NREP: variants seen among roughly 807,000 people sequenced by gnomAD.
NREP encodes neuronal regeneration-related protein.
NREP carries 5 observed loss-of-function variants against 8.6 expected under a neutral mutation model. The observed-to-expected ratio is 0.58, with a 90% CI of 0.30 to 1.22. NREP has a LOEUF of 1.22. Ranked by LOEUF, NREP falls within the 50% of genes most tolerant of loss-of-function variation. NREP has a pLI of 0.07. For synonymous variants in NREP, 27 were observed against 28.0 expected (o/e 0.96, Z 0.11); for missense variants, 86 against 82.5 (o/e 1.04, Z -0.17).
intron 2 of NREP, among the ~76,000 whole-genome samples, chr5:111,863,986 T>C (rs1289838963): frequency 6.6e-6 from 1 of 152,138 alleles, no homozygotes; most frequent in African/African-American, 2.4e-5. Flanking sequence ...TGCTATATTC[T>C]ATTTGTCAGG....
intron 2 of NREP, among the ~76,000 whole-genome samples, chr5:111,824,293 A>C (rs549491277): frequency 6.6e-6 from 1 of 152,190 alleles, no homozygotes; most frequent in Non-Finnish European, 1.5e-5. Context: ...GGCATGAACC[A>C]GGGAGGCGGA....
chr5:111,738,068 T>A (rs1481742001), intron 2 of NREP, among the ~76,000 whole-genome samples: 1 of 152,200 alleles, frequency 6.6e-6, no homozygotes, highest in Admixed American at 6.5e-5. Flanking sequence ...GGCTGGTATC[T>A]AAGAACTCAG....
chr5:111,750,048 T>C (rs1750257137), intron 2 of NREP, among the ~76,000 whole-genome samples: 1 of 152,188 alleles, frequency 6.6e-6, no homozygotes, highest in Non-Finnish European at 1.5e-5. Flanking sequence ...GGGCCATCTC[T>C]AAGATGCCTG....
intron 2 of NREP, among the ~76,000 whole-genome samples, chr5:111,806,544 G>C (rs758220061): frequency 7.2e-5 from 11 of 152,180 alleles, no homozygotes; most frequent in Non-Finnish European, 1.2e-4. Context: ...TTTTGGGGGA[G>C]AGGTGAGTTA....
At position 111,829,048 on chromosome 5, in the gene NREP, C is replaced by T. The variant is rs374925911; in HGVS notation, c.136-93541G>A. 2.6e-5 allele frequency among the ~76,000 whole-genome samples: 4 copies of T among 151,812 alleles called. No individual in the cohort carries two copies. In the South Asian group the frequency reaches 8.3e-4, roughly 32 times the overall value. On this transcript the variant is annotated intron_variant, in intron 2 of 3. Coordinates refer to the NREP transcript ENST00000395634. ...CCAAGCAGAGAAAGACAAGGTCATT[C>T]CAGGCAAGGAAATAAGGGCAAACCA...
chr5:111,834,253 A>G (rs745550744), intron 2 of NREP, among the ~76,000 whole-genome samples: 3 of 152,186 alleles, frequency 2.0e-5, no homozygotes, highest in Non-Finnish European at 4.4e-5. Flanking sequence ...GTAAAATTAT[A>G]AGTAAGATAA....
intron 2 of NREP, among the ~76,000 whole-genome samples, chr5:111,754,529 G>C (rs1750582005): frequency 1.3e-5 from 2 of 152,150 alleles, no homozygotes; most frequent in African/African-American, 4.8e-5. Context: ...TACAGCAGTT[G>C]ATTTTATTAC....
intron 2 of NREP, among the ~76,000 whole-genome samples, chr5:111,862,899 T>C (rs189612022): frequency 6.7e-6 from 1 of 149,468 alleles, no homozygotes; most frequent in African/African-American, 2.5e-5. Context: ...AAAAGGAGGG[T>C]GACACAAGAG....
intron 2 of NREP, among the ~76,000 whole-genome samples, chr5:111,784,121 G>C (rs181360443): frequency 6.6e-6 from 1 of 152,308 alleles, no homozygotes; most frequent in Non-Finnish European, 1.5e-5. Flanking sequence ...AATTCAAGCT[G>C]ATAGAAGGTT....
intron 2 of NREP, among the ~76,000 whole-genome samples, chr5:111,747,545 A>T (rs1451995406): frequency 1.3e-5 from 2 of 152,186 alleles, no homozygotes; most frequent in Admixed American, 6.5e-5. Flanking sequence ...TGGCAGCCAC[A>T]GCAAAACTTC....
At chr5:111,832,939 A>AC (rs2112938001) in intron 2 of NREP, among the ~76,000 whole-genome samples, 1 of 152,298 alleles carries the variant, frequency 6.6e-6, no homozygotes, top group East Asian at 1.9e-4. Context: ...TAGAGCCCTA[A>AC]CCTGGCTTGG....
At position 111,841,687 on chromosome 5, in the gene NREP, G is replaced by A. The variant is rs564011921; in HGVS notation, c.136-106180C>T. ...GCACACCCTTGAATTATATGTAGGG[G>A]TTTGTTTATATAAGTACGGGCCTGT... is the stretch of plus-strand genomic sequence containing the variant. On this transcript the variant is annotated intron_variant, in intron 2 of 3. Coordinates refer to the NREP transcript ENST00000395634. Among the ~76,000 whole-genome samples, 27 of 152,168 alleles carry A rather than the reference G, an allele frequency of 1.8e-4. No homozygotes were observed. The East Asian group carries it at 5.0e-3, about 28-fold the overall frequency.
At chr5:111,838,689 C>A (rs1328005491) in intron 2 of NREP, among the ~76,000 whole-genome samples, 1 of 151,682 alleles carries the variant, frequency 6.6e-6, no homozygotes, top group Non-Finnish European at 1.5e-5. Flanking sequence ...AGATTATTTC[C>A]TTGAAATTCA....
intron 2 of NREP, among the ~76,000 whole-genome samples, chr5:111,802,939 A>G (rs1031204029): frequency 6.6e-6 from 1 of 152,260 alleles, no homozygotes; most frequent in Non-Finnish European, 1.5e-5. Flanking sequence ...AAGAAAGGAT[A>G]TGAAAAGATA....
chr5:111,929,472 G>C (rs571867074), intron 2 of NREP, among the ~76,000 whole-genome samples: 3 of 152,330 alleles, frequency 2.0e-5, no homozygotes, highest in African/African-American at 7.2e-5. Context: ...TCTGGCCTCA[G>C]GGCAAGGATC....
chr5:111,935,162 C>T (rs1302870459), intron 2 of NREP, among the ~76,000 whole-genome samples: 1 of 152,120 alleles, frequency 6.6e-6, no homozygotes, highest in Non-Finnish European at 1.5e-5. Context: ...ATACATTGCA[C>T]TCAGAGCAGC....
chr5:111,925,723 T>C (rs1755366171), intron 2 of NREP, among the ~76,000 whole-genome samples: 1 of 152,198 alleles, frequency 6.6e-6, no homozygotes, highest in Non-Finnish European at 1.5e-5. Context: ...CTTTGATCTG[T>C]TGTGGACAGC....
At chr5:111,779,828 A>G (rs1751451054) in intron 2 of NREP, among the ~76,000 whole-genome samples, 1 of 152,222 alleles carries the variant, frequency 6.6e-6, no homozygotes, top group Non-Finnish European at 1.5e-5. Flanking sequence ...AGTATGAGAG[A>G]GGACAAGAAC....
At position 111,779,595 on chromosome 5, in the gene NREP, G is replaced by A. The variant is rs189983341; in HGVS notation, c.136-44088C>T. ...CTCTCCAAGAAAGGGGGTAAGGGCA[G>A]TAGTGAGGACATGACTGTGGAGAAA... On this transcript the variant is annotated intron_variant, in intron 2 of 3. Coordinates refer to the NREP transcript ENST00000395634. Among the ~76,000 whole-genome samples the A allele has an allele frequency of 4.8e-4, 73 of 152,354 alleles. 1 individual carries two copies. Among genetic ancestry groups the A allele is most frequent in the Non-Finnish European group, 9.4e-4 (64 of 68,024 alleles).
Sources: allele counts gnomAD v4.1 joint callset (sites outside exome capture counted in the v4.1 genomes callset), GRCh38; gene constraint gnomAD v4.1.1; transcripts MANE v1.5; gene names NCBI Gene and HGNC (gene_info 2026-07-23, HGNC 2026-07-21).